GRIN2B: variants seen among roughly 807,000 people sequenced by gnomAD.
The protein encoded by GRIN2B is glutamate receptor ionotropic, NMDA 2B.
GRIN2B carries 5 observed loss-of-function variants against 114.5 expected under a neutral mutation model. That is an observed-to-expected ratio of 0.04 (90% confidence interval 0.02 to 0.09). The LOEUF is 0.09. GRIN2B is among the 10% of genes least tolerant of loss of function. The pLI, the probability that GRIN2B is intolerant of heterozygous loss-of-function variation, is 1.00. For synonymous variants in GRIN2B, 787 were observed against 745.1 expected, an observed-to-expected ratio of 1.06 and a Z score of -0.92; for missense variants, 1,108 against 1,943.5, an observed-to-expected ratio of 0.57 and a Z score of 8.08.
chr12:13,669,285 C>T (rs1950003045), intron 5 of GRIN2B, among the ~76,000 whole-genome samples: 1 of 152,002 alleles, frequency 6.6e-6, no homozygotes, highest in African/African-American at 2.4e-5. Flanking sequence ...GATCTCCACA[C>T]TTGGTACAAT....
In GRIN2B at chr12:13,562,621, T is replaced by C. The variant is rs1473740052; in HGVS notation, c.*162A>G. On this transcript the variant is annotated 3_prime_UTR_variant, in exon 14 of 14. Coordinates refer to ENST00000609686, the MANE Select transcript of GRIN2B (RefSeq NM_000834.5). ...GAGAGATGGTGCTGGTCACCAGGGT[T>C]GCCCCCAGTAGGAACCAGAACTCCA... 1.0e-5 allele frequency: 7 copies of C among 667,394 alleles called. No homozygotes were observed. The highest frequency in any genetic ancestry group is 1.9e-5 in the Non-Finnish European group (7 of 373,406). The allele number at this position is 667,394 out of a possible 1,614,324, so 41.3% of individuals were successfully genotyped here.
At chr12:13,864,446 G>T (rs1224882307) in intron 3 of GRIN2B, among the ~76,000 whole-genome samples, 2 of 152,188 alleles carry the variant, frequency 1.3e-5, no homozygotes, top group Non-Finnish European at 2.9e-5. Flanking sequence ...AGGCAGGTTT[G>T]AATGTGGTGA....
In GRIN2B at chr12:13,553,285, CT is replaced by C. The variant is rs1224752120; in HGVS notation, c.*9497del. The stretch of plus-strand genomic sequence containing the variant: ...AGGTCAGAAGTGATGTTGTCTCCCC[CT>C]GAGGTAATGAATCCCTTTATATTTA... On this transcript the variant is annotated 3_prime_UTR_variant, in exon 14 of 14. Transcript: ENST00000609686. The C allele has an allele frequency of 1.3e-5, 2 of 152,194 alleles. No homozygotes were observed. Among genetic ancestry groups the C allele is most frequent in the African/African-American group, 4.8e-5 (2 of 41,450 alleles). The allele number at this position is 152,194 out of a possible 1,614,324, so 9.4% of individuals were successfully genotyped here. A position where few individuals can be genotyped will look rare whatever the true frequency, so the allele number is the denominator to read the frequency against.
At chr12:13,685,333 G>A (rs1158095941) in intron 4 of GRIN2B, among the ~76,000 whole-genome samples, 1 of 152,200 alleles carries the variant, frequency 6.6e-6, no homozygotes, top group Admixed American at 6.5e-5. Flanking sequence ...GGGCAAAATG[G>A]TAGATGAATA....
In GRIN2B at chr12:13,554,362, C is replaced by T. The variant is rs991262768; in HGVS notation, c.*8421G>A. On this transcript the variant is annotated 3_prime_UTR_variant, in exon 14 of 14. Coordinates refer to ENST00000609686, the MANE Select transcript of GRIN2B (RefSeq NM_000834.5). ...CTGAATGGAAGATAAAGAAGTTGTT[C>T]TGGTCTTTGAAGACTTATATAGAGG... 6.6e-6 allele frequency: 1 copy of T among 152,074 alleles called. No homozygotes were observed. The highest frequency in any genetic ancestry group is 2.4e-5 in the African/African-American group (1 of 41,404). 9.4% of individuals were successfully genotyped at this position (152,074 alleles called of 1,614,324 possible). A position where few individuals can be genotyped will look rare whatever the true frequency, so the allele number is the denominator to read the frequency against.
At chr12:13,919,841 A>G (rs1259781443) in intron 2 of GRIN2B, among the ~76,000 whole-genome samples, 1 of 152,142 alleles carries the variant, frequency 6.6e-6, no homozygotes. Flanking sequence ...AAAAGCAGAC[A>G]TTCTTGGGGT....
At chr12:13,707,843 C>T (rs1029125977) in intron 4 of GRIN2B, among the ~76,000 whole-genome samples, 7 of 152,148 alleles carry the variant, frequency 4.6e-5, no homozygotes, top group Admixed American at 4.6e-4. Flanking sequence ...CAACAAATCT[C>T]TTTGAGAATT....
At chr12:13,850,497 C>A (rs1865542336) in intron 3 of GRIN2B, among the ~76,000 whole-genome samples, 1 of 152,188 alleles carries the variant, frequency 6.6e-6, no homozygotes, top group Admixed American at 6.5e-5. Flanking sequence ...AGCTCCCAGG[C>A]CCCATCAGAC....
chr12:13,692,969 T>C lies in GRIN2B; in HGVS notation c.1011-17110A>G, dbSNP rs184535791. On this transcript the variant is annotated intron_variant, in intron 4 of 13. Transcript: ENST00000609686. Reference sequence around the variant, plus strand: ...TTTTAGTAGAGATGGGGTTGCTCCATGTTGGTCAGGCTGGTCCCAAACTCC... The same window carrying C: ...TTTTAGTAGAGATGGGGTTGCTCCACGTTGGTCAGGCTGGTCCCAAACTCC... Among the ~76,000 whole-genome samples, 3 of 151,822 alleles carry C rather than the reference T, an allele frequency of 2.0e-5. No homozygotes were observed. The East Asian group carries it at 5.8e-4, about 29-fold the overall frequency.
intron 2 of GRIN2B, among the ~76,000 whole-genome samples, chr12:13,969,232 G>A (rs1198860889): frequency 6.6e-6 from 1 of 152,214 alleles, no homozygotes; most frequent in Non-Finnish European, 1.5e-5. Flanking sequence ...AGCCCCAAGA[G>A]AAGGGATCTA....
intron 5 of GRIN2B, among the ~76,000 whole-genome samples, chr12:13,672,011 C>A (rs1950026921): frequency 6.6e-6 from 1 of 152,086 alleles, no homozygotes; most frequent in Non-Finnish European, 1.5e-5. Context: ...ATTAGGAGGG[C>A]CTTTCTGGAG....
At chr12:13,899,705 AAAG>A (rs1363688674) in intron 2 of GRIN2B, among the ~76,000 whole-genome samples, 2 of 144,396 alleles carry the variant, frequency 1.4e-5, no homozygotes, top group Admixed American at 1.4e-4. Context: ...TAGCATACAC[AAAG>A]AAGAGCATGT....
rs1039848243 is a variant in GRIN2B, at chr12:13,539,730, A to G, written c.*23053T>C. On this transcript the variant is annotated 3_prime_UTR_variant, in exon 14 of 14. Coordinates refer to ENST00000609686, the MANE Select transcript of GRIN2B (RefSeq NM_000834.5). ...AAAGTGCTCTATTCCTTTAACAAGT[A>G]TATGTCAAGAAAAAGTTAGAAAGCA... is the stretch of plus-strand genomic sequence containing the variant. The G allele has an allele frequency of 1.3e-5, 2 of 152,242 alleles. No individual in the cohort carries two copies. Among genetic ancestry groups the G allele is most frequent in the Non-Finnish European group, 2.9e-5 (2 of 68,044 alleles). 9.4% of individuals were successfully genotyped at this position (152,242 alleles called of 1,614,324 possible).
At chr12:13,971,191 A>G (rs949163746) in intron 2 of GRIN2B, among the ~76,000 whole-genome samples, 2 of 152,192 alleles carry the variant, frequency 1.3e-5, no homozygotes, top group African/African-American at 4.8e-5. Flanking sequence ...CACACAGCCC[A>G]CCAAACACCA....
intron 4 of GRIN2B, among the ~76,000 whole-genome samples, chr12:13,743,872 A>G (rs530323522): frequency 5.9e-5 from 9 of 152,284 alleles, no homozygotes; most frequent in Middle Eastern, 3.4e-3. Flanking sequence ...CACTAAATGT[A>G]TTTTGACACC....
chr12:13,817,009 A>C (rs1474312715), intron 3 of GRIN2B, among the ~76,000 whole-genome samples: 1 of 152,120 alleles, frequency 6.6e-6, no homozygotes, highest in Non-Finnish European at 1.5e-5. Context: ...GCCAGCATAC[A>C]AATACAAAGG....
intron 5 of GRIN2B, among the ~76,000 whole-genome samples, chr12:13,619,591 C>T (rs1949491204): frequency 6.6e-6 from 1 of 152,262 alleles, no homozygotes; most frequent in Admixed American, 6.5e-5. Flanking sequence ...TACTTCAAGT[C>T]CATTCATTTC....
chr12:13,871,538 C>T (rs575304092), intron 2 of GRIN2B, among the ~76,000 whole-genome samples: 1 of 151,782 alleles, frequency 6.6e-6, no homozygotes, highest in Non-Finnish European at 1.5e-5. Flanking sequence ...CTTTTAAATA[C>T]ATTTATAAGA....
chr12:13,693,006 G>T (rs945885861), intron 4 of GRIN2B, among the ~76,000 whole-genome samples: 1 of 151,934 alleles, frequency 6.6e-6, no homozygotes, highest in Non-Finnish European at 1.5e-5. Context: ...AACCTCAGGT[G>T]ATCTGCCTGC....
Sources: allele counts gnomAD v4.1 joint callset (sites outside exome capture counted in the v4.1 genomes callset), GRCh38; gene constraint gnomAD v4.1.1; transcripts MANE v1.5; gene names NCBI Gene and HGNC (gene_info 2026-07-23, HGNC 2026-07-21).